The following CUL1 variants were observed in gnomAD, a reference collection of about 807,000 sequenced individuals.
CUL1 encodes the protein cullin 1.
CUL1 carries 24 observed loss-of-function variants against 118.0 expected under a neutral mutation model. That is an observed-to-expected ratio of 0.20 (90% CI 0.15 to 0.29). The LOEUF (loss-of-function observed/expected upper bound fraction) is 0.29. Ranked by LOEUF, CUL1 falls within the 10% of genes least tolerant of loss-of-function variation. The probability of loss-of-function intolerance (pLI) is 1.00; values close to 1 mark genes in which losing one functional copy is unlikely to be tolerated. For missense variants in CUL1, 361 were observed against 933.8 expected (o/e 0.39, Z 7.99); for synonymous variants, 332 against 340.4 (o/e 0.98, Z 0.27).
At chr7:148,742,804 A>T (rs930216705) in intron 2 of CUL1, among the ~76,000 whole-genome samples, 1 of 152,058 alleles carries the variant, frequency 6.6e-6, no homozygotes, top group South Asian at 2.1e-4. Context: ...GTGTTTGACC[A>T]TGTTGGCCAG....
chr7:148,770,256 G>A (rs1800164926), intron 9 of CUL1, among the ~76,000 whole-genome samples: 1 of 152,198 alleles, frequency 6.6e-6, no homozygotes, highest in Non-Finnish European at 1.5e-5. Context: ...TTTAAACAAT[G>A]CTTGTGTTAC....
Position 148,799,257 on chromosome 7 carries a change from C to T in CUL1, c.2137-18C>T. 1 of 1,591,214 alleles carries T rather than the reference C, an allele frequency of 6.3e-7. No individual in the cohort carries two copies. The highest frequency in any genetic ancestry group is 1.3e-5 in the African/African-American group (1 of 74,354). On this transcript the variant is annotated intron_variant, in intron 20 of 21. Coordinates refer to ENST00000325222, the MANE Select transcript of CUL1 (RefSeq NM_003592.3). ...TACAGCTCTAAATGCACTTCTTTTT[C>T]CTTATCTTGTTGCATAGGCGGCCAT...
chr7:148,799,966 T>C (rs1444141015), intron 21 of CUL1, among the ~76,000 whole-genome samples: 2 of 152,130 alleles, frequency 1.3e-5, no homozygotes, highest in Non-Finnish European at 2.9e-5. Context: ...AAATGGTAAC[T>C]AAGCAGGACT....
At chr7:148,751,425 G>A (rs896111269) in intron 2 of CUL1, among the ~76,000 whole-genome samples, 11 of 149,886 alleles carry the variant, frequency 7.3e-5, no homozygotes, top group African/African-American at 2.2e-4. Flanking sequence ...GCAGGCGCCC[G>A]TAATCACATC....
intron 13 of CUL1, among the ~76,000 whole-genome samples, chr7:148,788,288 G>A (rs150355620): frequency 8.5e-4 from 129 of 152,322 alleles, no homozygotes; most frequent in African/African-American, 3.0e-3. Flanking sequence ...CCAGTGTCAG[G>A]ACACCTTGCT....
intron 11 of CUL1, among the ~76,000 whole-genome samples, chr7:148,785,154 T>C (rs1800773721): frequency 6.6e-6 from 1 of 152,206 alleles, no homozygotes; most frequent in South Asian, 2.1e-4. Context: ...TGTTTGATTT[T>C]TTTTTCCTGT....
At chr7:148,784,100 C>T in intron 11 of CUL1, 23 bp downstream of exon 11, 1 of 1,544,896 alleles carries the variant, frequency 6.5e-7, no homozygotes, top group Non-Finnish European at 9.0e-7. Context: ...CCTATGTTTT[C>T]TTAGTATGCC....
At chr7:148,757,487 A>G (rs1799693124) in intron 4 of CUL1, among the ~76,000 whole-genome samples, 1 of 152,238 alleles carries the variant, frequency 6.6e-6, no homozygotes, top group African/African-American at 2.4e-5. Flanking sequence ...CAGGCAAATC[A>G]GGTGCCATAC....
At chr7:148,709,848 C>T (rs535603101) in intron 1 of CUL1, among the ~76,000 whole-genome samples, 82 of 152,160 alleles carry the variant, frequency 5.4e-4, no homozygotes, top group South Asian at 5.2e-3. Context: ...CTTAGAAGGC[C>T]GAGGTGGCCG....
At chr7:148,785,061 T>C (rs1367310209) in intron 11 of CUL1, among the ~76,000 whole-genome samples, 1 of 152,236 alleles carries the variant, frequency 6.6e-6, no homozygotes, top group Non-Finnish European at 1.5e-5. Context: ...GTGACCTTTT[T>C]GGTAAATGAT....
chr7:148,764,046 C>G (rs1294991925), intron 7 of CUL1, among the ~76,000 whole-genome samples: 1 of 152,194 alleles, frequency 6.6e-6, no homozygotes, highest in Non-Finnish European at 1.5e-5. Context: ...GCGATTGAGA[C>G]TGATCTGAGC....
intron 21 of CUL1, 128 bp downstream of exon 21, chr7:148,799,516 A>G (rs1801317752): frequency 3.1e-6 from 2 of 640,958 alleles, no homozygotes; most frequent in Non-Finnish European, 5.5e-6. Context: ...AGATTTCTAT[A>G]AAAGAAAGTC....
At chr7:148,701,284 G>A (rs1797715086) in intron 1 of CUL1, among the ~76,000 whole-genome samples, 1 of 152,018 alleles carries the variant, frequency 6.6e-6, no homozygotes, top group Admixed American at 6.5e-5. Flanking sequence ...TACACTTCTC[G>A]AGTAAAATTG....
chr7:148,727,810 G>A (rs1282182758), intron 1 of CUL1, among the ~76,000 whole-genome samples: 5 of 151,998 alleles, frequency 3.3e-5, no homozygotes, highest in African/African-American at 1.2e-4. Context: ...GGAGGGAGGG[G>A]GAGAGTTGAG....
At chr7:148,704,900 CAGG>C in intron 1 of CUL1, among the ~76,000 whole-genome samples, 1 of 152,108 alleles carries the variant, frequency 6.6e-6, no homozygotes, top group Non-Finnish European at 1.5e-5. Context: ...AATCCCAAAA[CAGG>C]AGAAGCAGGG....
chr7:148,770,089 G>C (rs1166518528), intron 9 of CUL1, among the ~76,000 whole-genome samples: 1 of 152,230 alleles, frequency 6.6e-6, no homozygotes, highest in African/African-American at 2.4e-5. Context: ...CTTTGTCAAT[G>C]AGTCTTGAAT....
At chr7:148,711,741 G>A (rs1450004898) in intron 1 of CUL1, among the ~76,000 whole-genome samples, 1 of 152,182 alleles carries the variant, frequency 6.6e-6, no homozygotes, top group Admixed American at 6.5e-5. Context: ...TGATACACTA[G>A]CTTCCAAAAT....
intron 1 of CUL1, among the ~76,000 whole-genome samples, chr7:148,717,752 C>T (rs1384482196): frequency 1.3e-5 from 2 of 152,110 alleles, no homozygotes; most frequent in Non-Finnish European, 2.9e-5. Context: ...CCTCCCTGTA[C>T]CTCTACTGCT....
intron 8 of CUL1, 115 bp from the exon 9 acceptor site, chr7:148,767,504 T>C: frequency 1.1e-6 from 1 of 931,808 alleles, no homozygotes; most frequent in South Asian, 1.5e-5. Context: ...TATTAAAGTC[T>C]AAAAACATGG....
Sources: allele counts gnomAD v4.1 joint callset (sites outside exome capture counted in the v4.1 genomes callset), GRCh38; gene constraint gnomAD v4.1.1; transcripts MANE v1.5; gene names NCBI Gene and HGNC (gene_info 2026-07-23, HGNC 2026-07-21).